The following CORO2B variants were observed in gnomAD, a reference collection of about 807,000 sequenced individuals.
CORO2B encodes the protein coronin 2B.
Under a neutral mutation model 58.8 loss-of-function variants are expected in CORO2B, and 26 were observed. That is an observed-to-expected ratio of 0.44 (90% CI 0.32 to 0.61). The LOEUF is 0.61. CORO2B is among the 20% of genes least tolerant of loss of function. The pLI is 0.04. For synonymous variants in CORO2B, 242 were observed against 253.8 expected, an observed-to-expected ratio of 0.95 and a Z score of 0.44; for missense variants, 460 against 645.1, an observed-to-expected ratio of 0.71 and a Z score of 3.11.
At chr15:68,554,621 A>G in the CORO2B span, among the ~76,000 whole-genome samples, 1 of 152,144 alleles carries the variant, frequency 6.6e-6, no homozygotes, top group Admixed American at 6.5e-5. Context: ...CCCACTCCCC[A>G]CATGCCAGGC....
intron 1 of CORO2B, among the ~76,000 whole-genome samples, chr15:68,625,819 G>T (rs941577982): frequency 6.6e-6 from 1 of 151,916 alleles, no homozygotes; most frequent in Non-Finnish European, 1.5e-5. Flanking sequence ...TGCCCAGGCT[G>T]GTCTCAAACT....
At chr15:68,629,709 G>T (rs77737104) in intron 1 of CORO2B, among the ~76,000 whole-genome samples, 3 of 152,172 alleles carry the variant, frequency 2.0e-5, no homozygotes, top group Admixed American at 1.3e-4. Flanking sequence ...CTCAGTAGGG[G>T]TCAGATCAGG....
chr15:68,676,854 C>G (rs1902604138), intron 2 of CORO2B, among the ~76,000 whole-genome samples: 1 of 152,116 alleles, frequency 6.6e-6, no homozygotes, highest in South Asian at 2.1e-4. Context: ...TCACTGCAGT[C>G]TCTACTTCCT....
At chr15:68,632,629 C>G (rs2140261396) in intron 1 of CORO2B, among the ~76,000 whole-genome samples, 1 of 152,306 alleles carries the variant, frequency 6.6e-6, no homozygotes, top group South Asian at 2.1e-4. Flanking sequence ...CTTGCTCTGT[C>G]ATCCAGGCTG....
At chr15:68,713,854 C>A (rs1892971892) in intron 5 of CORO2B, 71 bp from the exon 6 acceptor site, 2 of 1,015,072 alleles carry the variant, frequency 2.0e-6, no homozygotes, top group South Asian at 2.7e-5. Context: ...CTTTTCGGGA[C>A]CACCATTCAT....
intron 1 of CORO2B, among the ~76,000 whole-genome samples, chr15:68,643,197 C>A (rs1240527042): frequency 1.3e-5 from 2 of 152,118 alleles, no homozygotes; most frequent in Non-Finnish European, 1.5e-5. Context: ...TGTAAAGGAC[C>A]ACCTGGGACC....
chr15:68,538,098 T>G, the CORO2B span, among the ~76,000 whole-genome samples: 10 of 152,238 alleles, frequency 6.6e-5, no homozygotes, highest in Non-Finnish European at 1.2e-4. Context: ...TATATAATTT[T>G]GTTTTTTTCT....
At chr15:68,542,022 C>T in the CORO2B span, among the ~76,000 whole-genome samples, 16 of 152,330 alleles carry the variant, frequency 1.1e-4, no homozygotes, top group African/African-American at 2.6e-4. Context: ...CAAGCTGGGA[C>T]GGTCACAGGG....
chr15:68,539,244 G>A, the CORO2B span, among the ~76,000 whole-genome samples: 1 of 152,100 alleles, frequency 6.6e-6, no homozygotes, highest in Admixed American at 6.5e-5. Context: ...TACTGACAAC[G>A]CTTACCACTG....
chr15:68,570,673 A>G, the CORO2B span, among the ~76,000 whole-genome samples: 1 of 152,222 alleles, frequency 6.6e-6, no homozygotes, highest in African/African-American at 2.4e-5. Context: ...GGTCTGTCCC[A>G]GTTACACTGA....
In CORO2B at chr15:68,645,309, C is replaced by T. The variant is rs765054849; in HGVS notation, c.165C>T (p.Ile55=). The T allele has an allele frequency of 5.0e-6, 8 of 1,613,636 alleles. No homozygotes were observed. Among genetic ancestry groups the T allele is most frequent in the African/African-American group, 2.7e-5 (2 of 75,048 alleles). ...FCAVNTRFLA[I]VTESAGGGSF... is the part of the protein sequence containing the mutation. Reference sequence around the variant, plus strand: ...CCGTCAACACCCGCTTCCTGGCCATCGTCACCGAGAGCGCAGGGGGCGGCT... The same window carrying T: ...CCGTCAACACCCGCTTCCTGGCCATTGTCACCGAGAGCGCAGGGGGCGGCT... The change falls in exon 2 of 12, where the codon ATC becomes ATT. Residue 55 remains isoleucine (I), a synonymous_variant. Transcript: ENST00000261861. The surrounding 1 kb of genome is among the most constrained non-coding windows in gnomAD (Gnocchi z 4.5).
the CORO2B span, among the ~76,000 whole-genome samples, chr15:68,561,814 A>G: frequency 6.6e-6 from 1 of 152,152 alleles, no homozygotes; most frequent in Non-Finnish European, 1.5e-5. Flanking sequence ...GTATGAGGCC[A>G]TGGTTATCCT....
chr15:68,597,624 C>T (rs575540207), intron 1 of CORO2B, among the ~76,000 whole-genome samples: 63 of 140,076 alleles, frequency 4.5e-4, no homozygotes, highest in African/African-American at 1.7e-3. Flanking sequence ...GTTTCCCCCC[C>T]ATCAAAAAAA....
the CORO2B span, among the ~76,000 whole-genome samples, chr15:68,544,370 G>A: frequency 6.6e-6 from 1 of 152,158 alleles, no homozygotes; most frequent in Admixed American, 6.5e-5. Context: ...CTGCACACAT[G>A]GACTGAGTCC....
chr15:68,721,121 A>T (rs920981030), intron 11 of CORO2B, among the ~76,000 whole-genome samples: 1 of 151,936 alleles, frequency 6.6e-6, no homozygotes, highest in Non-Finnish European at 1.5e-5. Context: ...ACCTTAGGTG[A>T]TCCACCTGCC....
chr15:68,577,553 C>A (rs775139732), upstream of CORO2B, among the ~76,000 whole-genome samples: 5 of 151,960 alleles, frequency 3.3e-5, no homozygotes, highest in Non-Finnish European at 5.9e-5. Flanking sequence ...GAAACCCCGT[C>A]TCTAATAAAA....
chr15:68,552,400 A>G, the CORO2B span, among the ~76,000 whole-genome samples: 4 of 145,976 alleles, frequency 2.7e-5, no homozygotes, highest in South Asian at 6.4e-4. Flanking sequence ...ATCTGGTTCC[A>G]TCTAAACACT....
the CORO2B span, among the ~76,000 whole-genome samples, chr15:68,527,835 A>G: frequency 6.6e-6 from 1 of 152,196 alleles, no homozygotes; most frequent in African/African-American, 2.4e-5. Flanking sequence ...TTTTCAAAGT[A>G]TAAATCTTAC....
the CORO2B span, among the ~76,000 whole-genome samples, chr15:68,543,669 G>T: frequency 6.6e-6 from 1 of 152,106 alleles, no homozygotes; most frequent in African/African-American, 2.4e-5. Flanking sequence ...GGCTTCCTTT[G>T]TAATGACTCT....
Sources: gnomAD v4.1 joint callset for allele counts (sites outside exome capture counted in the v4.1 genomes callset) on GRCh38, gnomAD v4.1.1 for gene constraint, Gnocchi (gnomAD v3.1) non-coding constraint, MANE v1.5 for transcripts, NCBI Gene and HGNC (gene_info 2026-07-23, HGNC 2026-07-21) for gene names.